Variants in ENKUR observed in about 807,000 individuals in gnomAD.
The protein encoded by ENKUR is enkurin, TRPC channel interacting protein, also known as enkurin.
Under a neutral mutation model 27.6 loss-of-function variants are expected in ENKUR, and 19 were observed. The ratio of observed to expected loss-of-function variants is 0.69; its 90% CI spans 0.48 to 1.01. The LOEUF (loss-of-function observed/expected upper bound fraction) is 1.01. ENKUR is among the 50% of genes least tolerant of loss of function. The probability of loss-of-function intolerance (pLI) is 0.00; values close to 1 mark genes in which losing one functional copy is unlikely to be tolerated. For synonymous variants in ENKUR, 117 were observed against 96.9 expected (o/e 1.21, Z -1.22); for missense variants, 312 against 310.5 (o/e 1.00, Z -0.04).
chr10:25,054,799 C>T (rs964393202), intron 2 of ENKUR, among the ~76,000 whole-genome samples: 7 of 151,784 alleles, frequency 4.6e-5, no homozygotes, highest in African/African-American at 1.5e-4. Flanking sequence ...ACCTCAGCCC[C>T]CCTCATAGCT....
At chr10:25,053,280 C>G (rs1311305394) in intron 2 of ENKUR, among the ~76,000 whole-genome samples, 1 of 152,164 alleles carries the variant, frequency 6.6e-6, no homozygotes, top group Non-Finnish European at 1.5e-5. Flanking sequence ...ACTCCAAATA[C>G]TTATCCCTTT....
At chr10:25,023,586 C>T (rs921778494) in intron 2 of ENKUR, 10 of 1,614,136 alleles carry the variant, frequency 6.2e-6, no homozygotes, top group Admixed American at 3.3e-5. Context: ...CTGTGTTAAA[C>T]TTCTCTGCAT....
rs199875445 is a variant in ENKUR, at chr10:24,990,490, G to A, written c.567C>T (p.Ser189=). The part of the protein sequence containing the change: ...NLKKAAMKRL[S]DEEREAVLQG... ...GCAAAACTGCCTCCCTTTCTTCATC[G>A]GAGAGCCTTTTCATAGCTGCTTTCT... The change falls in exon 4 of 6, where the codon TCC becomes TCT. Residue 189 remains serine (S), a synonymous_variant. Coordinates refer to ENST00000331161, the MANE Select transcript of ENKUR (RefSeq NM_145010.4). 77 of 1,613,314 alleles carry A rather than the reference G, an allele frequency of 4.8e-5. No individual in the cohort carries two copies. The East Asian group carries it at 1.0e-3, about 22-fold the overall frequency.
intron 4 of ENKUR, among the ~76,000 whole-genome samples, chr10:24,988,269 T>C (rs1451524855): frequency 6.9e-6 from 1 of 145,592 alleles, no homozygotes; most frequent in African/African-American, 2.5e-5. Context: ...TATATATTTA[T>C]ATATATGTGT....
intron 2 of ENKUR, among the ~76,000 whole-genome samples, chr10:25,030,711 T>C (rs1386241376): frequency 1.3e-5 from 2 of 152,200 alleles, no homozygotes; most frequent in African/African-American, 2.4e-5. Flanking sequence ...ATAAAACTTA[T>C]TTTTGAATTT....
chr10:25,060,040 G>A (rs1349257474), intron 2 of ENKUR, among the ~76,000 whole-genome samples: 1 of 152,108 alleles, frequency 6.6e-6, no homozygotes, highest in African/African-American at 2.4e-5. Context: ...CAGGTGAGTG[G>A]TTGTCTAATA....
upstream of ENKUR, among the ~76,000 whole-genome samples, chr10:25,018,659 GTTTTT>G (rs374289213): frequency 1.1e-5 from 1 of 93,714 alleles, no homozygotes; most frequent in Non-Finnish European, 2.2e-5. Flanking sequence ...AATGAGAGTT[GTTTTT>G]TTTTTTTTTT....
At chr10:25,041,269 T>C (rs1320473085) in intron 2 of ENKUR, among the ~76,000 whole-genome samples, 1 of 152,224 alleles carries the variant, frequency 6.6e-6, no homozygotes, top group Non-Finnish European at 1.5e-5. Context: ...CAGATCATTG[T>C]TTCCTTGTAT....
rs1024288924 is a variant in ENKUR, at chr10:24,983,084, A to G, written c.*1286T>C. On this transcript the variant is annotated 3_prime_UTR_variant, in exon 6 of 6. Coordinates refer to ENST00000331161, the MANE Select transcript of ENKUR (RefSeq NM_145010.4). ...GAATTGGCAGAGAAAGACTGCCTGG[A>G]TCAACAGAGTCACCAGACAAAAGGA... 2.0e-5 allele frequency: 3 copies of G among 152,236 alleles called. No individual in the cohort carries two copies. Among genetic ancestry groups the G allele is most frequent in the Non-Finnish European group, 4.4e-5 (3 of 68,048 alleles). The allele number at this position is 152,236 out of a possible 1,614,324, so 9.4% of individuals were successfully genotyped here.
intron 1 of ENKUR, among the ~76,000 whole-genome samples, chr10:25,001,680 T>C (rs1350889510): frequency 2.6e-5 from 4 of 152,328 alleles, no homozygotes; most frequent in Middle Eastern, 3.4e-3. Context: ...CTACATTTTG[T>C]ATATGGTATT....
intron 2 of ENKUR, among the ~76,000 whole-genome samples, chr10:25,026,958 AC>A (rs1280828121): frequency 6.6e-6 from 1 of 151,958 alleles, no homozygotes; most frequent in Non-Finnish European, 1.5e-5. Flanking sequence ...ATTCAAAGTT[AC>A]GTTTGTTCAT....
At chr10:25,010,324 C>T (rs73608219) in intron 1 of ENKUR, among the ~76,000 whole-genome samples, 1 of 151,990 alleles carries the variant, frequency 6.6e-6, no homozygotes, top group Admixed American at 6.6e-5. Context: ...GAGATGATTC[C>T]GGGCATCTGA....
chr10:25,024,543 C>T, intron 2 of ENKUR: 2 of 1,614,112 alleles, frequency 1.2e-6, no homozygotes, highest in East Asian at 2.2e-5. Context: ...TTGATTTTTG[C>T]CAGACAGCTA....
At position 24,999,384 on chromosome 10, in the gene ENKUR, A is replaced by G. The variant is rs1409101096; in HGVS notation, c.223+17T>C. The G allele has an allele frequency of 6.3e-7, 1 of 1,580,688 alleles. No individual in the cohort carries two copies. Among genetic ancestry groups the G allele is most frequent in the Admixed American group, 2.0e-5 (1 of 49,938 alleles). On this transcript the variant is annotated intron_variant, in intron 2 of 5. Coordinates refer to ENST00000331161, the MANE Select transcript of ENKUR (RefSeq NM_145010.4). ...CTAATGCTTTTAATATTAAAAATAA[A>G]GCATGATAAAACCTACTGGGTGGTA...
upstream of ENKUR, among the ~76,000 whole-genome samples, chr10:25,018,659 G>GT (rs374289213): frequency 0.24 from 22,471 of 93,304 alleles, 3,007 homozygotes; most frequent in Non-Finnish European, 0.34. Flanking sequence ...AATGAGAGTT[G>GT]TTTTTTTTTT....
chr10:25,017,490 G>A (rs1020573119), upstream of ENKUR, among the ~76,000 whole-genome samples: 1 of 152,110 alleles, frequency 6.6e-6, no homozygotes, highest in Non-Finnish European at 1.5e-5. Context: ...TGGTTGGCTG[G>A]CGGAGTGATT....
chr10:25,025,630 T>A, intron 2 of ENKUR: 1 of 635,830 alleles, frequency 1.6e-6, no homozygotes, highest in Non-Finnish European at 2.7e-6. Context: ...CCTCCTCAGA[T>A]CTTTAATCTG....
chr10:24,994,645 G>A (rs1316255435), intron 3 of ENKUR, among the ~76,000 whole-genome samples: 6 of 152,074 alleles, frequency 3.9e-5, no homozygotes, highest in Non-Finnish European at 8.8e-5. Flanking sequence ...CATATTTTGT[G>A]TGTTTCAAGC....
In ENKUR at chr10:24,982,915, C is replaced by T. The variant is rs916194050; in HGVS notation, c.*1455G>A. On this transcript the variant is annotated 3_prime_UTR_variant, in exon 6 of 6. Coordinates refer to ENST00000331161, the MANE Select transcript of ENKUR (RefSeq NM_145010.4). The stretch of plus-strand genomic sequence containing the variant: ...TTTCATTTTAACATTTAAGGCAACT[C>T]CCACTCATGACTTCAAAGCATAATA... The T allele has an allele frequency of 6.6e-6, 1 of 152,188 alleles. No homozygotes were observed. The highest frequency in any genetic ancestry group is 2.4e-5 in the African/African-American group (1 of 41,448). The allele number at this position is 152,188 out of a possible 1,614,324, so 9.4% of individuals were successfully genotyped here. A position where few individuals can be genotyped will look rare whatever the true frequency, so the allele number is the denominator to read the frequency against.
Sources: allele counts gnomAD v4.1 joint callset (sites outside exome capture counted in the v4.1 genomes callset), GRCh38; gene constraint gnomAD v4.1.1; transcripts MANE v1.5; gene names NCBI Gene and HGNC (gene_info 2026-07-23, HGNC 2026-07-21).